The following TGFBR3 variants were observed in gnomAD, a reference collection of about 807,000 sequenced individuals.
The protein encoded by TGFBR3 is transforming growth factor beta receptor 3, also known as transforming growth factor beta receptor type 3.
In TGFBR3, 46 loss-of-function variants were observed where a neutral mutation model predicts 87.9. The ratio of observed to expected loss-of-function variants is 0.52; its 90% CI spans 0.41 to 0.67. TGFBR3 has a LOEUF of 0.67. Among genes scored for constraint, TGFBR3 ranks in the 30% least tolerant of loss-of-function variants. The pLI is 0.00. For synonymous variants in TGFBR3, 381 were observed against 391.6 expected, an observed-to-expected ratio of 0.97 and a Z score of 0.32; for missense variants, 866 against 1,041.9, an observed-to-expected ratio of 0.83 and a Z score of 2.32.
intron 14 of TGFBR3, among the ~76,000 whole-genome samples, chr1:91,698,952 C>G (rs1244351671): frequency 6.6e-6 from 1 of 151,626 alleles, no homozygotes; most frequent in Non-Finnish European, 1.5e-5. Context: ...CCACTACCCT[C>G]CCCCCAATTA....
At chr1:91,736,382 G>T (rs1672968355) in intron 4 of TGFBR3, among the ~76,000 whole-genome samples, 1 of 149,680 alleles carries the variant, frequency 6.7e-6, no homozygotes. Flanking sequence ...CTCTGTGGAA[G>T]CCCTGAATTA....
Position 91,683,643 on chromosome 1 carries a change from G to T in TGFBR3, c.*96C>A. 9.8e-7 allele frequency: 1 copy of T among 1,016,658 alleles called. No homozygotes were observed. Among genetic ancestry groups the T allele is most frequent in the Non-Finnish European group, 1.5e-6 (1 of 680,642 alleles). The allele number at this position is 1,016,658 out of a possible 1,614,324, so 63.0% of individuals were successfully genotyped here. ...CAAGGGAACCAAAATCCAGCCCTCT[G>T]AGTCTGGACACGAGGCTCAGCCATT... On this transcript the variant is annotated 3_prime_UTR_variant, in exon 17 of 17. Transcript: ENST00000212355.
At chr1:91,842,096 T>A (rs1677310125) in intron 2 of TGFBR3, among the ~76,000 whole-genome samples, 1 of 131,528 alleles carries the variant, frequency 7.6e-6, no homozygotes, top group Non-Finnish European at 1.6e-5. Flanking sequence ...AGCAAGACTC[T>A]GCCAAAAAAA....
chr1:91,822,797 G>A (rs749052005), intron 2 of TGFBR3, among the ~76,000 whole-genome samples: 11 of 152,038 alleles, frequency 7.2e-5, no homozygotes, highest in Non-Finnish European at 1.2e-4. Flanking sequence ...GTGGTGGCAC[G>A]TGCTTGTAGT....
intron 2 of TGFBR3, among the ~76,000 whole-genome samples, chr1:91,832,349 T>C (rs970871117): frequency 8.0e-6 from 1 of 124,692 alleles, no homozygotes; most frequent in Admixed American, 8.2e-5. Flanking sequence ...TTTGAATTTG[T>C]ACAGGAATTT....
At position 91,829,259 on chromosome 1, in the gene TGFBR3, C is replaced by T. The variant is rs144427924; in HGVS notation, c.62-31788G>A. ...GGTGTGGTGGCACGCACCTGTAATCCCAGCTACTCATAAGGCTGAGGCACA... is the reference window on the plus strand; with the variant it reads ...GGTGTGGTGGCACGCACCTGTAATCTCAGCTACTCATAAGGCTGAGGCACA... On this transcript the variant is annotated intron_variant, in intron 2 of 16. Coordinates refer to ENST00000212355, the MANE Select transcript of TGFBR3 (RefSeq NM_003243.5). Among the ~76,000 whole-genome samples, 1,366 of 152,090 alleles carry T rather than the reference C, an allele frequency of 9.0e-3. 24 individuals carry two copies. The highest frequency in any genetic ancestry group is 0.03 in the African/African-American group (1,263 of 41,470).
At chr1:91,722,226 G>A (rs1672395183) in intron 7 of TGFBR3, 82 bp from the exon 8 acceptor site, 2 of 1,130,064 alleles carry the variant, frequency 1.8e-6, no homozygotes, top group African/African-American at 1.6e-5. Context: ...TCTTAAATAA[G>A]TAGATTCTAT....
chr1:91,718,586 C>G (rs1284368019), intron 10 of TGFBR3, among the ~76,000 whole-genome samples: 1 of 151,920 alleles, frequency 6.6e-6, no homozygotes, highest in Non-Finnish European at 1.5e-5. Context: ...TTTGGAACTT[C>G]ACATTTTAAA....
At chr1:91,737,970 A>G (rs1049080827) in intron 4 of TGFBR3, among the ~76,000 whole-genome samples, 3 of 152,206 alleles carry the variant, frequency 2.0e-5, no homozygotes, top group African/African-American at 7.2e-5. Context: ...AAATGTTAGT[A>G]CATTGAGTAG....
At chr1:91,736,266 G>C (rs1332530631) in intron 4 of TGFBR3, among the ~76,000 whole-genome samples, 1 of 146,534 alleles carries the variant, frequency 6.8e-6, no homozygotes, top group African/African-American at 2.5e-5. Context: ...CTCTGGTTTT[G>C]TTTATAACTG....
chr1:91,835,033 T>C (rs1011974549), intron 2 of TGFBR3, among the ~76,000 whole-genome samples: 1 of 152,116 alleles, frequency 6.6e-6, no homozygotes, highest in African/African-American at 2.4e-5. Flanking sequence ...AGGACAAGTA[T>C]AGCAATGGAT....
At chr1:91,708,355 C>T (rs999328851) in intron 14 of TGFBR3, among the ~76,000 whole-genome samples, 3 of 152,096 alleles carry the variant, frequency 2.0e-5, no homozygotes, top group Admixed American at 2.0e-4. Flanking sequence ...CTAACTAGAA[C>T]CCTTTTTTGC....
At chr1:91,756,026 A>C (rs1357683370) in intron 4 of TGFBR3, among the ~76,000 whole-genome samples, 1 of 152,220 alleles carries the variant, frequency 6.6e-6, no homozygotes, top group Non-Finnish European at 1.5e-5. Flanking sequence ...TAACAGCCCT[A>C]TGATGCAGGG....
At chr1:91,807,641 C>T (rs1208717252) in intron 2 of TGFBR3, among the ~76,000 whole-genome samples, 2 of 152,206 alleles carry the variant, frequency 1.3e-5, no homozygotes, top group Non-Finnish European at 2.9e-5. Flanking sequence ...TCCATCTAAA[C>T]AAGATACCAC....
chr1:91,809,696 C>A (rs1407737031), intron 2 of TGFBR3, among the ~76,000 whole-genome samples: 1 of 152,184 alleles, frequency 6.6e-6, no homozygotes, highest in Non-Finnish European at 1.5e-5. Context: ...AGGAATGAGT[C>A]AAATGCTTAA....
intron 14 of TGFBR3, among the ~76,000 whole-genome samples, chr1:91,698,719 C>T (rs1671513206): frequency 6.6e-6 from 1 of 152,078 alleles, no homozygotes; most frequent in African/African-American, 2.4e-5. Flanking sequence ...CCTGGCTGGT[C>T]TCTAACTCAT....
intron 9 of TGFBR3, 102 bp downstream of exon 9, chr1:91,719,791 G>A (rs1672297082): frequency 3.0e-6 from 4 of 1,311,510 alleles, no homozygotes; most frequent in Non-Finnish European, 4.4e-6. Flanking sequence ...CAAGCCTCCG[G>A]AGTTCAAAAA....
chr1:91,843,487 A>C (rs1677364761), intron 2 of TGFBR3, among the ~76,000 whole-genome samples: 1 of 152,250 alleles, frequency 6.6e-6, no homozygotes, highest in South Asian at 2.1e-4. Context: ...TAAGACATAC[A>C]ATCTATGTGT....
At chr1:91,734,578 C>A (rs1245074943) in intron 5 of TGFBR3, among the ~76,000 whole-genome samples, 198 bp downstream of exon 5, 1 of 152,216 alleles carries the variant, frequency 6.6e-6, no homozygotes. Flanking sequence ...CATAACCAGG[C>A]CTGCTTCCCC....
Sources: gnomAD v4.1 joint callset for allele counts (sites outside exome capture counted in the v4.1 genomes callset) on GRCh38, gnomAD v4.1.1 for gene constraint, MANE v1.5 for transcripts, NCBI Gene and HGNC (gene_info 2026-07-23, HGNC 2026-07-21) for gene names.